RIMS1: variants seen among roughly 807,000 people sequenced by gnomAD.
RIMS1 encodes the protein regulating synaptic membrane exocytosis protein 1.
A neutral mutation model predicts 214.1 loss-of-function variants in RIMS1; 83 were observed. The ratio of observed to expected loss-of-function variants is 0.39; its 90% CI spans 0.32 to 0.47. RIMS1 has a LOEUF of 0.47. Among genes scored for constraint, RIMS1 ranks in the 20% least tolerant of loss-of-function variants. The pLI is 0.99. For synonymous variants in RIMS1, 793 were observed against 786.8 expected, an observed-to-expected ratio of 1.01 and a Z score of -0.13; for missense variants, 2,050 against 2,161.8, an observed-to-expected ratio of 0.95 and a Z score of 1.03.
intron 29 of RIMS1, among the ~76,000 whole-genome samples, chr6:72,387,030 G>A (rs1035733704): frequency 3.9e-5 from 6 of 151,982 alleles, no homozygotes; most frequent in African/African-American, 7.3e-5. Flanking sequence ...CACTGCGCTC[G>A]GCCTATTCAC....
intron 2 of RIMS1, among the ~76,000 whole-genome samples, chr6:72,083,374 C>T (rs928627574): frequency 6.6e-6 from 1 of 151,756 alleles, no homozygotes; most frequent in Non-Finnish European, 1.5e-5. Context: ...ATAAAAATGC[C>T]GAAAAAATTT....
intron 6 of RIMS1, among the ~76,000 whole-genome samples, chr6:72,227,892 G>A (rs75222835): frequency 0.073 from 11,161 of 152,014 alleles, 482 homozygotes; most frequent in Non-Finnish European, 0.1. Flanking sequence ...GAAAGACACA[G>A]GGGATGTTCT....
intron 15 of RIMS1, among the ~76,000 whole-genome samples, chr6:72,251,592 T>G (rs1391588057): frequency 6.6e-6 from 1 of 152,158 alleles, no homozygotes; most frequent in Non-Finnish European, 1.5e-5. Flanking sequence ...GCCAAAAACC[T>G]CTGAATTAAA....
At chr6:72,263,897 AGAG>A (rs1197476029) in intron 19 of RIMS1, 1 of 353,642 alleles carries the variant, frequency 2.8e-6, no homozygotes, top group African/African-American at 2.2e-5. Flanking sequence ...GGAGGCTGAG[AGAG>A]GAGATTTGCT....
chr6:72,350,075 C>G (rs963981386), intron 29 of RIMS1, among the ~76,000 whole-genome samples: 1 of 152,038 alleles, frequency 6.6e-6, no homozygotes, highest in Non-Finnish European at 1.5e-5. Context: ...CTTAATAATT[C>G]TGTCTTCTCA....
intron 6 of RIMS1, among the ~76,000 whole-genome samples, chr6:72,184,541 T>C (rs2048831468): frequency 6.6e-6 from 1 of 152,188 alleles, no homozygotes; most frequent in African/African-American, 2.4e-5. Flanking sequence ...AGTCGTCATA[T>C]AACAAAGCAG....
chr6:71,933,000 C>T (rs1013128964), intron 1 of RIMS1, among the ~76,000 whole-genome samples: 13 of 152,036 alleles, frequency 8.6e-5, no homozygotes, highest in East Asian at 3.9e-4. Flanking sequence ...GATATAATAG[C>T]GACCCAAACT....
chr6:72,308,916 A>G (rs2095373195), intron 27 of RIMS1, among the ~76,000 whole-genome samples: 1 of 152,140 alleles, frequency 6.6e-6, no homozygotes, highest in African/African-American at 2.4e-5. Flanking sequence ...TTGTTTTCTT[A>G]CTACAAATGC....
At chr6:72,183,258 T>C (rs2153970999) in intron 6 of RIMS1, 109 bp downstream of exon 6, 5 of 1,074,768 alleles carry the variant, frequency 4.7e-6, no homozygotes, top group Middle Eastern at 2.9e-4. Context: ...CTGGGAATGC[T>C]CACAGATAAG....
chr6:72,086,021 T>C (rs946714923), intron 2 of RIMS1, among the ~76,000 whole-genome samples: 2 of 152,190 alleles, frequency 1.3e-5, no homozygotes, highest in African/African-American at 4.8e-5. Context: ...CCTGTGTCTA[T>C]ATTTTCCCAA....
In RIMS1 at chr6:72,153,048, A is replaced by G. The variant is rs1156505124; in HGVS notation, c.472-26527A>G. ...TGTGTATATATGTGTGTGTGTGTAT[A>G]TATATGTATATATTCCCTATGTATA... On this transcript the variant is annotated intron_variant, in intron 4 of 33. Coordinates refer to ENST00000521978, the MANE Select transcript of RIMS1 (RefSeq NM_014989.7). 6.3e-5 allele frequency among the ~76,000 whole-genome samples: 9 copies of G among 141,756 alleles called. 1 individual carries two copies. In the East Asian group the frequency reaches 1.8e-3, roughly 28 times the overall value. 93.0% of individuals were successfully genotyped at this position (141,756 alleles called of 152,430 possible). A position where few individuals can be genotyped will look rare whatever the true frequency, so the allele number is the denominator to read the frequency against.
chr6:72,392,834 C>G (rs2098721339), intron 31 of RIMS1, 24 bp downstream of exon 31: 1 of 1,466,328 alleles, frequency 6.8e-7, no homozygotes, highest in South Asian at 1.2e-5. Context: ...TTTTTTTCTA[C>G]AAGAAAATTG....
intron 2 of RIMS1, among the ~76,000 whole-genome samples, chr6:71,981,462 C>A (rs1190677999): frequency 6.6e-6 from 1 of 151,986 alleles, no homozygotes; most frequent in African/African-American, 2.4e-5. Flanking sequence ...ACAAGAATAC[C>A]ATAGGATTCT....
At position 72,399,013 on chromosome 6, in the gene RIMS1, A is replaced by G; in HGVS notation, c.4779A>G (p.Thr1593=). Residue 1593 remains threonine, a synonymous_variant, in exon 33 of 34, where the codon ACA becomes ACG. Transcript: ENST00000521978. ...GGGCCTGTATAGCCAAGAAGAAGACAAGAATTGCACGAAAAACCCTTGATC... is the reference window on the plus strand; with the variant it reads ...GGGCCTGTATAGCCAAGAAGAAGACGAGAATTGCACGAAAAACCCTTGATC... The part of the protein sequence containing the change: ...ENGACIAKKK[T]RIARKTLDPL... 1.2e-6 allele frequency: 2 copies of G among 1,611,194 alleles called. No homozygotes were observed. Among genetic ancestry groups the G allele is most frequent in the South Asian group, 1.1e-5 (1 of 90,766 alleles).
intron 22 of RIMS1, among the ~76,000 whole-genome samples, chr6:72,266,765 TAG>T (rs2080766478): frequency 6.6e-6 from 1 of 152,148 alleles, no homozygotes; most frequent in South Asian, 2.1e-4. Context: ...ACTCTTTTAA[TAG>T]ACTTAGTTAT....
intron 1 of RIMS1, among the ~76,000 whole-genome samples, chr6:71,936,404 A>C (rs952714736): frequency 3.3e-4 from 50 of 151,950 alleles, no homozygotes; most frequent in African/African-American, 1.1e-3. Flanking sequence ...ATGACTGTAA[A>C]GTACGAGTAA....
chr6:72,217,155 G>A (rs375823522), intron 6 of RIMS1: 260 of 1,535,572 alleles, frequency 1.7e-4, no homozygotes, highest in Non-Finnish European at 3.5e-5. Flanking sequence ...TTTGATGCCA[G>A]TGGCATTTAG....
At chr6:72,007,657 A>G (rs1808341585) in intron 2 of RIMS1, among the ~76,000 whole-genome samples, 1 of 152,228 alleles carries the variant, frequency 6.6e-6, no homozygotes, top group Non-Finnish European at 1.5e-5. Context: ...AAACCATGGC[A>G]TGAGAACTAC....
At chr6:72,203,474 C>G (rs942794794) in intron 6 of RIMS1, among the ~76,000 whole-genome samples, 1 of 152,056 alleles carries the variant, frequency 6.6e-6, no homozygotes, top group Admixed American at 6.6e-5. Context: ...ACACACTGTT[C>G]TAGGAAGAAT....
Sources: gnomAD v4.1 joint callset for allele counts (sites outside exome capture counted in the v4.1 genomes callset) on GRCh38, gnomAD v4.1.1 for gene constraint, MANE v1.5 for transcripts, NCBI Gene and HGNC (gene_info 2026-07-23, HGNC 2026-07-21) for gene names.